Variants in GFM1 observed in about 807,000 individuals in gnomAD.
GFM1 encodes G elongation factor mitochondrial 1.
In GFM1, 62 loss-of-function variants were observed where a neutral mutation model predicts 96.2. The ratio of observed to expected loss-of-function variants is 0.64; its 90% confidence interval spans 0.53 to 0.80. The LOEUF (loss-of-function observed/expected upper bound fraction) is 0.80. Among genes scored for constraint, GFM1 ranks in the 30% least tolerant of loss-of-function variants. The probability of loss-of-function intolerance (pLI) is 0.00; values close to 1 mark genes in which losing one functional copy is unlikely to be tolerated. For synonymous variants in GFM1, 282 were observed against 312.9 expected (o/e 0.90, Z 1.04); for missense variants, 852 against 916.6 (o/e 0.93, Z 0.91).
At chr3:158,680,843 G>T (rs1329977401) in intron 13 of GFM1, among the ~76,000 whole-genome samples, 1 of 152,142 alleles carries the variant, frequency 6.6e-6, no homozygotes, top group Non-Finnish European at 1.5e-5. Flanking sequence ...GGAATTACTT[G>T]TTTGCGATTT....
intron 9 of GFM1, among the ~76,000 whole-genome samples, chr3:158,659,854 T>A (rs572425658): frequency 3.1e-4 from 47 of 152,362 alleles, no homozygotes; most frequent in African/African-American, 1.1e-3. Context: ...ACAGCGTTGC[T>A]GTTTTGTGAG....
In GFM1 at chr3:158,692,432, T is replaced by G. The variant is rs1485978893; in HGVS notation, c.*965T>G. On this transcript the variant is annotated 3_prime_UTR_variant, in exon 18 of 18. Coordinates refer to ENST00000486715, the MANE Select transcript of GFM1 (RefSeq NM_024996.7). The stretch of plus-strand genomic sequence containing the variant: ...TATGAAGGGACAAATGTTAATCTTT[T>G]GTTTCCAGAAAAAGTTGGGCTTTCC... The G allele has an allele frequency of 6.6e-6, 1 of 152,228 alleles. No homozygotes were observed. The highest frequency in any genetic ancestry group is 1.5e-5 in the Non-Finnish European group (1 of 68,036). The allele number at this position is 152,228 out of a possible 1,614,324, so 9.4% of individuals were successfully genotyped here. A position where few individuals can be genotyped will look rare whatever the true frequency, so the allele number is the denominator to read the frequency against.
At chr3:158,670,818 A>G in intron 13 of GFM1, 1 of 1,227,950 alleles carries the variant, frequency 8.1e-7, no homozygotes, top group Non-Finnish European at 1.0e-6. Context: ...CTGTGGTCCC[A>G]GCTATTTGGG....
chr3:158,667,128 T>C (rs1416650553), intron 13 of GFM1: 14 of 1,476,292 alleles, frequency 9.5e-6, no homozygotes, highest in Non-Finnish European at 1.3e-5. Flanking sequence ...TTGGCAAAAA[T>C]TACATTTAAT....
At chr3:158,676,630 A>T (rs918160774) in intron 13 of GFM1, among the ~76,000 whole-genome samples, 1 of 151,808 alleles carries the variant, frequency 6.6e-6, no homozygotes, top group African/African-American at 2.4e-5. Flanking sequence ...CACAGATAGT[A>T]TGTTTTTTAC....
chr3:158,675,300 A>C (rs907494615), intron 13 of GFM1, among the ~76,000 whole-genome samples: 2 of 143,556 alleles, frequency 1.4e-5, no homozygotes, highest in Admixed American at 6.8e-5. Flanking sequence ...AAAAAAAAAA[A>C]AAAAAAAAAA....
intron 10 of GFM1, among the ~76,000 whole-genome samples, 193 bp downstream of exon 10, chr3:158,661,168 A>G (rs1723170390): frequency 6.6e-6 from 1 of 152,192 alleles, no homozygotes; most frequent in Admixed American, 6.5e-5. Flanking sequence ...TCTGTAAGCT[A>G]ACTTACCTGG....
Position 158,666,826 on chromosome 3 carries a change from A to C in GFM1, c.1601+440A>C, listed in dbSNP as rs1163044699. The C allele has an allele frequency of 3.4e-6, 5 of 1,456,524 alleles. No individual in the cohort carries two copies. In the Middle Eastern group the frequency reaches 7.9e-4, roughly 229 times the overall value. 90.2% of individuals were successfully genotyped at this position (1,456,524 alleles called of 1,614,324 possible). A position where few individuals can be genotyped will look rare whatever the true frequency, so the allele number is the denominator to read the frequency against. On this transcript the variant is annotated intron_variant, in intron 13 of 17. Transcript: ENST00000486715. ...TAGTTGGGTTTATGTTTTGTTAGAGATAAAACAGTCTTCACAAAGAATAGT... is the reference window on the plus strand; with the variant it reads ...TAGTTGGGTTTATGTTTTGTTAGAGCTAAAACAGTCTTCACAAAGAATAGT...
At position 158,695,242 on chromosome 3, in the gene GFM1, C is replaced by T. The variant is rs1440192206; in HGVS notation, c.*3775C>T. 3.9e-5 allele frequency: 6 copies of T among 152,150 alleles called. No individual in the cohort carries two copies. Among genetic ancestry groups the T allele is most frequent in the African/African-American group, 1.4e-4 (6 of 41,408 alleles). 9.4% of individuals were successfully genotyped at this position (152,150 alleles called of 1,614,324 possible). A position where few individuals can be genotyped will look rare whatever the true frequency, so the allele number is the denominator to read the frequency against. Reference sequence around the variant, plus strand: ...TACAAAAATCGTCCGGGCGGGGTGGCTCACGCCTGTAGCCCCAGCTGCTCA... The same window carrying T: ...TACAAAAATCGTCCGGGCGGGGTGGTTCACGCCTGTAGCCCCAGCTGCTCA... On this transcript the variant is annotated 3_prime_UTR_variant, in exon 18 of 18. Transcript: ENST00000486715.
chr3:158,681,954 T>C (rs1725413783), intron 13 of GFM1, 41 bp from the exon 14 acceptor site: 1 of 1,525,152 alleles, frequency 6.6e-7, no homozygotes. Context: ...TATTTTGTAA[T>C]TACATAATGC....
intron 13 of GFM1, chr3:158,666,660 C>T (rs1723720126): frequency 2.5e-6 from 4 of 1,613,658 alleles, no homozygotes; most frequent in African/African-American, 1.3e-5. Context: ...TCCAGTTGTA[C>T]TTCCTTTGGC....
rs774280744 is a variant in GFM1, at chr3:158,662,672, G to A, written c.1368G>A (p.Lys456=). Residue 456 remains lysine, a synonymous_variant, in exon 11 of 18, where the codon AAG becomes AAA. Coordinates refer to ENST00000486715, the MANE Select transcript of GFM1 (RefSeq NM_024996.7). The part of the protein sequence containing the change: ...VPDPVISIAM[K]PSNKNDLEKF... ...ATCCTGTCATTTCAATAGCAATGAA[G>A]CCTTCTAACAAGGTAGGAGTTTGAT... 82 of 1,592,594 alleles carry A rather than the reference G, an allele frequency of 5.1e-5. No homozygotes were observed. Among genetic ancestry groups the A allele is most frequent in the Non-Finnish European group, 6.7e-5 (78 of 1,161,018 alleles).
At chr3:158,645,925 T>G in intron 2 of GFM1, 144 bp downstream of exon 2, 1 of 883,316 alleles carries the variant, frequency 1.1e-6, no homozygotes, top group South Asian at 1.4e-5. Flanking sequence ...TGAAAGTTGC[T>G]TAAGTTAAGT....
chr3:158,664,929 A>C (rs112125588), intron 11 of GFM1, among the ~76,000 whole-genome samples: 1 of 152,190 alleles, frequency 6.6e-6, no homozygotes, highest in Non-Finnish European at 1.5e-5. Flanking sequence ...GGTCTTAAGT[A>C]TCCTGCTTGG....
intron 8 of GFM1, among the ~76,000 whole-genome samples, chr3:158,658,037 T>G (rs1722906069): frequency 6.6e-6 from 1 of 152,178 alleles, no homozygotes; most frequent in African/African-American, 2.4e-5. Flanking sequence ...ATGTTTAAAA[T>G]TTCCTGTTGG....
chr3:158,682,543 T>TA (rs1725490350), intron 14 of GFM1: 1 of 216,342 alleles, frequency 4.6e-6, no homozygotes, highest in South Asian at 6.6e-5. Flanking sequence ...TCATGTCTAC[T>TA]ACTGATTAAT....
At position 158,645,846 on chromosome 3, in the gene GFM1, T is replaced by C. The variant is rs1303371353; in HGVS notation, c.234+65T>C. On this transcript the variant is annotated intron_variant, in intron 2 of 17. Coordinates refer to ENST00000486715, the MANE Select transcript of GFM1 (RefSeq NM_024996.7). ...ATTTTAATTGTTTTGTTGCTATTAT[T>C]TAATAAAGCTTATAAACCTGAAAGA... The C allele has an allele frequency of 2.2e-6, 3 of 1,352,876 alleles. No individual in the cohort carries two copies. The African/African-American group carries it at 4.3e-5, about 19-fold the overall frequency. 83.8% of individuals were successfully genotyped at this position (1,352,876 alleles called of 1,614,324 possible). A position where few individuals can be genotyped will look rare whatever the true frequency, so the allele number is the denominator to read the frequency against.
intron 4 of GFM1, among the ~76,000 whole-genome samples, chr3:158,647,957 T>C (rs1721967986): frequency 1.3e-5 from 2 of 152,182 alleles, no homozygotes; most frequent in African/African-American, 4.8e-5. Flanking sequence ...TACTTATTCT[T>C]TCTGTCTCCT....
intron 5 of GFM1, chr3:158,651,083 T>C (rs1576730177): frequency 6.7e-6 from 1 of 148,726 alleles, no homozygotes; most frequent in East Asian, 2.0e-4. Context: ...CTTTTAAATA[T>C]CATGTCAAGT....
Sources: gnomAD v4.1 joint callset for allele counts (sites outside exome capture counted in the v4.1 genomes callset) on GRCh38, gnomAD v4.1.1 for gene constraint, MANE v1.5 for transcripts, NCBI Gene and HGNC (gene_info 2026-07-23, HGNC 2026-07-21) for gene names.